The following LINC00305 variants were observed in gnomAD, a reference collection of about 807,000 sequenced individuals.
LINC00305 encodes the protein long independently transcribed non-coding RNA 305.
intron 1 of LINC00305, among the ~76,000 whole-genome samples, chr18:64,129,064 G>T (rs1599225494): frequency 6.6e-6 from 1 of 152,214 alleles, no homozygotes; most frequent in Non-Finnish European, 1.5e-5. Context: ...TCTTATTACA[G>T]AATTCATGCG....
At chr18:64,134,747 G>C (rs936147016) in intron 1 of LINC00305, among the ~76,000 whole-genome samples, 6 of 152,104 alleles carry the variant, frequency 3.9e-5, no homozygotes, top group African/African-American at 1.4e-4. Flanking sequence ...CAAAACAAAA[G>C]TGTACATGTG....
chr18:64,129,487 A>G (rs975595823), intron 1 of LINC00305, among the ~76,000 whole-genome samples: 1 of 152,142 alleles, frequency 6.6e-6, no homozygotes, highest in Non-Finnish European at 1.5e-5. Context: ...AATGCTTCAC[A>G]GTGTTCTACT....
At chr18:64,101,080 TTGC>T (rs1272586487) in intron 1 of LINC00305, among the ~76,000 whole-genome samples, 1 of 152,174 alleles carries the variant, frequency 6.6e-6, no homozygotes, top group Non-Finnish European at 1.5e-5. Flanking sequence ...GTCTCTACCA[TTGC>T]TAAGTGCTGT....
intron 1 of LINC00305, among the ~76,000 whole-genome samples, chr18:64,140,321 GCCTCAC>G (rs2051455934): frequency 6.6e-6 from 1 of 152,012 alleles, no homozygotes; most frequent in African/African-American, 2.4e-5. Flanking sequence ...TGATTCTCCT[GCCTCAC>G]CCTCCCAAGT....
intron 1 of LINC00305, among the ~76,000 whole-genome samples, chr18:64,138,232 G>A (rs7227621): frequency 1.3e-5 from 2 of 152,016 alleles, no homozygotes; most frequent in African/African-American, 2.4e-5. Flanking sequence ...AGAAAGATCC[G>A]GGCTGCTCTC....
chr18:64,141,556 A>G (rs1367162861), intron 1 of LINC00305, among the ~76,000 whole-genome samples: 1 of 152,218 alleles, frequency 6.6e-6, no homozygotes, highest in Non-Finnish European at 1.5e-5. Flanking sequence ...AGGCCCAGTG[A>G]CTGTATGCAA....
intron 1 of LINC00305, among the ~76,000 whole-genome samples, chr18:64,109,897 G>A (rs973913737): frequency 6.6e-6 from 1 of 152,210 alleles, no homozygotes; most frequent in African/African-American, 2.4e-5. Context: ...CCTGTGGGCC[G>A]CACGTGGCCC....
At chr18:64,096,947 A>G (rs764405143) in intron 3 of LINC00305, among the ~76,000 whole-genome samples, 9 of 151,894 alleles carry the variant, frequency 5.9e-5, no homozygotes, top group Non-Finnish European at 1.2e-4. Flanking sequence ...ATATTTTTAT[A>G]TAACTATAAT....
At chr18:64,125,010 C>T (rs564735849) in intron 1 of LINC00305, among the ~76,000 whole-genome samples, 2 of 152,140 alleles carry the variant, frequency 1.3e-5, no homozygotes, top group East Asian at 3.9e-4. Context: ...CCTAACCATC[C>T]ATCATTTCCA....
chr18:64,143,782 GTA>G, intron 1 of LINC00305, among the ~76,000 whole-genome samples: 1 of 98,682 alleles, frequency 1.0e-5, no homozygotes, highest in East Asian at 4.3e-4. Flanking sequence ...GTACATGTAT[GTA>G]CACATATTAT....
chr18:64,094,690 C>A (rs2051237970), intron 3 of LINC00305, among the ~76,000 whole-genome samples: 1 of 151,962 alleles, frequency 6.6e-6, no homozygotes. Flanking sequence ...TGCCAAAACC[C>A]CATCTCTACT....
At chr18:64,091,261 T>A (rs1200418977) in intron 3 of LINC00305, among the ~76,000 whole-genome samples, 2 of 152,208 alleles carry the variant, frequency 1.3e-5, no homozygotes, top group African/African-American at 4.8e-5. Flanking sequence ...ATATATGCTT[T>A]CCTTTTCTTT....
chr18:64,087,613 G>A (rs1019700465), intron 3 of LINC00305, among the ~76,000 whole-genome samples: 1 of 152,086 alleles, frequency 6.6e-6, no homozygotes, highest in African/African-American at 2.4e-5. Context: ...AAAGAAATCT[G>A]TTAAATACCT....
chr18:64,142,102 T>C (rs1461262612), intron 1 of LINC00305, among the ~76,000 whole-genome samples: 1 of 152,166 alleles, frequency 6.6e-6, no homozygotes, highest in Non-Finnish European at 1.5e-5. Context: ...CTGCTGTCTA[T>C]GTGCACTGGT....
chr18:64,089,392 C>T (rs1444108407), intron 3 of LINC00305, among the ~76,000 whole-genome samples: 1 of 152,180 alleles, frequency 6.6e-6, no homozygotes, highest in East Asian at 1.9e-4. Context: ...TCAATTAAGC[C>T]TCTTTCCTTT....
At chr18:64,130,319 T>C (rs1053793939) in intron 1 of LINC00305, among the ~76,000 whole-genome samples, 1 of 152,316 alleles carries the variant, frequency 6.6e-6, no homozygotes, top group African/African-American at 2.4e-5. Flanking sequence ...TTATGTATTA[T>C]GTGCTTAGCA....
chr18:64,138,240 C>G (rs80330684), intron 1 of LINC00305, among the ~76,000 whole-genome samples: 2 of 152,116 alleles, frequency 1.3e-5, no homozygotes, highest in Non-Finnish European at 2.9e-5. Context: ...CCGGGCTGCT[C>G]TCTCATTACC....
chr18:64,143,565 TATACAC>T (rs2051476368), intron 1 of LINC00305, among the ~76,000 whole-genome samples: 5 of 4,164 alleles, frequency 1.2e-3, no homozygotes, highest in South Asian at 0.019. Flanking sequence ...TGTGTACATA[TATACAC>T]ATATGTATAT....
At chr18:64,085,332 T>C (rs947017957) in intron 3 of LINC00305, among the ~76,000 whole-genome samples, 6 of 152,252 alleles carry the variant, frequency 3.9e-5, no homozygotes, top group African/African-American at 1.4e-4. Flanking sequence ...CTATTTTCCA[T>C]AGGAAGTCTG....
Sources: gnomAD v4.1 joint callset for allele counts (sites outside exome capture counted in the v4.1 genomes callset) on GRCh38, gnomAD v4.1.1 for gene constraint, MANE v1.5 for transcripts, NCBI Gene and HGNC (gene_info 2026-07-23, HGNC 2026-07-21) for gene names.